INSL4: variants seen among roughly 807,000 people sequenced by gnomAD.
INSL4 encodes insulin like 4.
Under a neutral mutation model 6.5 loss-of-function variants are expected in INSL4, and 7 were observed. The observed-to-expected ratio is 1.08, with a 90% CI of 0.61 to 2.02. The LOEUF is 2.02. Among genes scored for constraint, INSL4 ranks in the 30% most tolerant of loss-of-function variants. The probability of loss-of-function intolerance (pLI) is 0.00; values close to 1 mark genes in which losing one functional copy is unlikely to be tolerated. For missense variants in INSL4, 226 were observed against 163.2 expected (o/e 1.38, Z -2.09); for synonymous variants, 82 against 65.8 (o/e 1.25, Z -1.19).
intron 1 of INSL4, among the ~76,000 whole-genome samples, chr9:5,232,807 A>C (rs895337688): frequency 5.3e-5 from 8 of 152,240 alleles, no homozygotes; most frequent in Non-Finnish European, 1.2e-4. Context: ...GTGTGACTCC[A>C]GAACTGCTTC....
chr9:5,232,606 C>G (rs1004323663), intron 1 of INSL4, among the ~76,000 whole-genome samples: 1 of 152,166 alleles, frequency 6.6e-6, no homozygotes, highest in African/African-American at 2.4e-5. Flanking sequence ...AGTTTTCAAA[C>G]TTTACCAAGT....
At chr9:5,232,123 G>A (rs552266654) in intron 1 of INSL4, among the ~76,000 whole-genome samples, 8 of 152,200 alleles carry the variant, frequency 5.3e-5, no homozygotes, top group East Asian at 1.9e-4. Context: ...CCTGGGCCAG[G>A]CATCTTCAAT....
rs770927876 is a variant in INSL4, at chr9:5,231,655, C to T, written c.132C>T (p.Pro44=). The change falls in exon 1 of 2, where the codon CCC becomes CCT. Residue 44 remains proline (P), a synonymous_variant. Transcript: ENST00000239316. ...RFGKHLLSYC[P]MPEKTFTTTP... ...GAAAACACTTGCTGTCATATTGCCC[C>T]ATGCCTGAGAAGACATTCACCACCA... The T allele has an allele frequency of 6.2e-7, 1 of 1,613,768 alleles. No homozygotes were observed. The highest frequency in any genetic ancestry group is 2.2e-5 in the East Asian group (1 of 44,852).
chr9:5,231,714 C>A lies in INSL4; in HGVS notation c.191C>A (p.Pro64His). 6.2e-7 allele frequency: 1 copy of A among 1,613,352 alleles called. No individual in the cohort carries two copies. Among genetic ancestry groups the A allele is most frequent in the South Asian group, 1.1e-5 (1 of 91,046 alleles). The change falls in exon 1 of 2, where the codon CCC becomes CAC. Residue 64 changes from proline (P) to histidine (H), a missense_variant. Transcript: ENST00000239316. ...PGGWLLESGR[P>H]KEMVSTSNNK... ...GGGTGGCTGCTGGAATCTGGACGTC[C>A]CAAAGGTGAGAGCCCTGGACTACCA...
At position 5,233,688 on chromosome 9, in the gene INSL4, A is replaced by T. The variant is rs75310240; in HGVS notation, c.231A>T (p.Gln77His). The part of the protein sequence containing the change: ...MVSTSNNKDG[Q>H]ALGTTSEFIP... ...CAACCTCCAACAACAAAGATGGACA[A>T]GCCTTAGGTACGACATCAGAATTCA... Residue 77 changes from glutamine to histidine, a missense_variant, in exon 2 of 2, where the codon CAA becomes CAT. Gln to His is a conservative substitution (Grantham distance 24, BLOSUM62 0). Coordinates refer to ENST00000239316, the MANE Select transcript of INSL4 (RefSeq NM_002195.2). The T allele has an allele frequency of 2.0e-4, 325 of 1,613,664 alleles. No individual in the cohort carries two copies. In the African/African-American group the frequency reaches 3.9e-3, roughly 19 times the overall value.
intron 1 of INSL4, among the ~76,000 whole-genome samples, chr9:5,232,910 T>A (rs1826169379): frequency 6.6e-6 from 1 of 152,204 alleles, no homozygotes; most frequent in Non-Finnish European, 1.5e-5. Context: ...TTGTGTGATT[T>A]ATATAACGAT....
chr9:5,233,557 T>C (rs1563714572), intron 1 of INSL4, 97 bp from the exon 2 acceptor site: 1 of 806,180 alleles, frequency 1.2e-6, no homozygotes, highest in East Asian at 2.7e-5. Context: ...ATGGAGGCAA[T>C]GGGTACATTG....
chr9:5,233,583 G>A, intron 1 of INSL4, 71 bp from the exon 2 acceptor site: 1 of 1,213,314 alleles, frequency 8.2e-7, no homozygotes, highest in Non-Finnish European at 1.2e-6. Context: ...TAGGCAAATT[G>A]TATAATTTTT....
At chr9:5,231,932 C>A (rs763227880) in intron 1 of INSL4, among the ~76,000 whole-genome samples, 5 of 152,174 alleles carry the variant, frequency 3.3e-5, no homozygotes, top group Non-Finnish European at 7.4e-5. Flanking sequence ...AACAGAAGAA[C>A]AGCCTCACCT....
In INSL4 at chr9:5,234,023, A is replaced by G. The variant is rs1826189630; in HGVS notation, c.*146A>G. The G allele has an allele frequency of 1.6e-6, 1 of 626,644 alleles. No individual in the cohort carries two copies. The highest frequency in any genetic ancestry group is 2.8e-5 in the Admixed American group (1 of 35,462). 38.8% of individuals were successfully genotyped at this position (626,644 alleles called of 1,614,324 possible). On this transcript the variant is annotated 3_prime_UTR_variant, in exon 2 of 2. Coordinates refer to ENST00000239316, the MANE Select transcript of INSL4 (RefSeq NM_002195.2). Reference sequence around the variant, plus strand: ...CATGTTTCACTTGCTCTGTACTAATATAGTCTCTCCAAATGGAGGAAGTTA... The same window carrying G: ...CATGTTTCACTTGCTCTGTACTAATGTAGTCTCTCCAAATGGAGGAAGTTA...
chr9:5,233,067 C>CT (rs1826171977), intron 1 of INSL4, among the ~76,000 whole-genome samples: 1 of 152,080 alleles, frequency 6.6e-6, no homozygotes, highest in Non-Finnish European at 1.5e-5. Flanking sequence ...TTAAATTTCA[C>CT]TTTTTTTCAG....
At position 5,235,178 on chromosome 9, in the gene INSL4, G is replaced by C. The variant is rs2130952841; in HGVS notation, c.*1301G>C. ...GGAAACAGCCAGAGTCAGCAGGGCA[G>C]GAGGTGGTGTGGAGAAAAGGAATTG... On this transcript the variant is annotated 3_prime_UTR_variant, in exon 2 of 2. Coordinates refer to ENST00000239316, the MANE Select transcript of INSL4 (RefSeq NM_002195.2). The C allele has an allele frequency of 6.5e-6, 1 of 153,264 alleles. No homozygotes were observed. The highest frequency in any genetic ancestry group is 1.9e-4 in the East Asian group (1 of 5,180). 9.5% of individuals were successfully genotyped at this position (153,264 alleles called of 1,614,324 possible). A position where few individuals can be genotyped will look rare whatever the true frequency, so the allele number is the denominator to read the frequency against.
In INSL4 at chr9:5,234,030, C is replaced by T. The variant is rs1826189784; in HGVS notation, c.*153C>T. ...CACTTGCTCTGTACTAATATAGTCTCTCCAAATGGAGGAAGTTAGATAGAT... is the reference window on the plus strand; with the variant it reads ...CACTTGCTCTGTACTAATATAGTCTTTCCAAATGGAGGAAGTTAGATAGAT... On this transcript the variant is annotated 3_prime_UTR_variant, in exon 2 of 2. Coordinates refer to ENST00000239316, the MANE Select transcript of INSL4 (RefSeq NM_002195.2). 3.3e-6 allele frequency: 2 copies of T among 606,552 alleles called. No individual in the cohort carries two copies. Among genetic ancestry groups the T allele is most frequent in the Non-Finnish European group, 5.8e-6 (2 of 344,874 alleles). The allele number at this position is 606,552 out of a possible 1,614,324, so 37.6% of individuals were successfully genotyped here.
At chr9:5,233,043 A>G (rs1000910067) in intron 1 of INSL4, among the ~76,000 whole-genome samples, 8 of 152,230 alleles carry the variant, frequency 5.3e-5, no homozygotes, top group African/African-American at 1.7e-4. Flanking sequence ...AGCATGCTGT[A>G]CTATAATTTC....
At position 5,231,491 on chromosome 9, in the gene INSL4, A is replaced by G; in HGVS notation, c.-33A>G. 1 of 1,596,104 alleles carries G rather than the reference A, an allele frequency of 6.3e-7. No individual in the cohort carries two copies. The highest frequency in any genetic ancestry group is 8.5e-7 in the Non-Finnish European group (1 of 1,170,374). Reference sequence around the variant, plus strand: ...GCAGCAAGTCTCTAAAGAAAGGCTGAGAACACCCAGAACAGGAGAGTTCAG... The same window carrying G: ...GCAGCAAGTCTCTAAAGAAAGGCTGGGAACACCCAGAACAGGAGAGTTCAG... On this transcript the variant is annotated 5_prime_UTR_variant, in exon 1 of 2. Coordinates refer to ENST00000239316, the MANE Select transcript of INSL4 (RefSeq NM_002195.2).
chr9:5,231,859 T>C, intron 1 of INSL4, 140 bp downstream of exon 1: 1 of 714,728 alleles, frequency 1.4e-6, no homozygotes, highest in Non-Finnish European at 2.3e-6. Context: ...AATGTGCTTT[T>C]ATTAAAAGGG....
rs1228581501 is a variant in INSL4, at chr9:5,233,707, G to A, written c.250G>A (p.Glu84Lys). 1 of 1,613,712 alleles carries A rather than the reference G, an allele frequency of 6.2e-7. No individual in the cohort carries two copies. The highest frequency in any genetic ancestry group is 2.2e-5 in the East Asian group (1 of 44,858). The change falls in exon 2 of 2, where the codon GAA (glutamate) becomes AAA (lysine). Residue 84 changes from glutamate (E) to lysine (K), a missense_variant. By Grantham distance (56) the Glu-to-Lys change is moderately conservative (BLOSUM62 1). Coordinates refer to ENST00000239316, the MANE Select transcript of INSL4 (RefSeq NM_002195.2). ...KDGQALGTTSEFIPNLSPELK... is the reference protein window; with the variant it reads ...KDGQALGTTSKFIPNLSPELK... ...TGGACAAGCCTTAGGTACGACATCA[G>A]AATTCATTCCTAATTTGTCACCAGA...
chr9:5,233,961 C>T lies in INSL4; in HGVS notation c.*84C>T. The stretch of plus-strand genomic sequence containing the variant: ...TCACTGATGCCCAATTAAATGATTG[C>T]TGTTTATTAGAACATGAGAATCATT... On this transcript the variant is annotated 3_prime_UTR_variant, in exon 2 of 2. Transcript: ENST00000239316. The T allele has an allele frequency of 1.1e-6, 1 of 871,170 alleles. No individual in the cohort carries two copies. The highest frequency in any genetic ancestry group is 1.9e-6 in the Non-Finnish European group (1 of 532,872). 54.0% of individuals were successfully genotyped at this position (871,170 alleles called of 1,614,324 possible).
intron 1 of INSL4, among the ~76,000 whole-genome samples, chr9:5,232,230 G>C (rs537595242): frequency 1.3e-5 from 2 of 152,258 alleles, no homozygotes; most frequent in South Asian, 2.1e-4. Flanking sequence ...ACCTCTGTTA[G>C]GTTCCTGGAA....
Sources: allele counts gnomAD v4.1 joint callset (sites outside exome capture counted in the v4.1 genomes callset), GRCh38; gene constraint gnomAD v4.1.1; transcripts MANE v1.5; gene names NCBI Gene and HGNC (gene_info 2026-07-23, HGNC 2026-07-21).